The following PCDHA2 variants were observed in gnomAD, a reference collection of about 807,000 sequenced individuals.
PCDHA2 encodes protocadherin alpha-2.
PCDHA2 carries 58 observed loss-of-function variants against 66.0 expected under a neutral mutation model. The ratio of observed to expected loss-of-function variants is 0.88; its 90% confidence interval spans 0.71 to 1.09. The LOEUF is 1.09. Among genes scored for constraint, PCDHA2 ranks in the 50% least tolerant of loss-of-function variants. The pLI is 0.00. For missense variants in PCDHA2, 1,267 were observed against 1,242.3 expected, an observed-to-expected ratio of 1.02 and a Z score of -0.30; for synonymous variants, 634 against 554.0, an observed-to-expected ratio of 1.14 and a Z score of -2.03.
chr5:140,854,582 T>TA (rs757658134), intron 1 of PCDHA2: 9 of 149,824 alleles, frequency 6.0e-5, no homozygotes, highest in Non-Finnish European at 1.0e-4. Context: ...CAGATTTTAA[T>TA]AAAAAAAGTT....
At chr5:140,800,461 A>G (rs1373467938) in intron 1 of PCDHA2, among the ~76,000 whole-genome samples, 1 of 152,206 alleles carries the variant, frequency 6.6e-6, no homozygotes, top group African/African-American at 2.4e-5. Context: ...AGATATATGT[A>G]TGTTTTAATA....
chr5:140,963,312 TG>T (rs2153735087), intron 1 of PCDHA2, among the ~76,000 whole-genome samples: 1 of 152,332 alleles, frequency 6.6e-6, no homozygotes, highest in African/African-American at 2.4e-5. Flanking sequence ...AGAAGCTGTT[TG>T]TATTAGAATT....
At chr5:140,988,267 C>T (rs1204961254) in intron 3 of PCDHA2, among the ~76,000 whole-genome samples, 1 of 152,146 alleles carries the variant, frequency 6.6e-6, no homozygotes, top group Non-Finnish European at 1.5e-5. Flanking sequence ...GAGTATCCTT[C>T]GCTGTCACCT....
At position 140,841,479 on chromosome 5, in the gene PCDHA2, G is replaced by A. The variant is rs2150316299; in HGVS notation, c.2388+44127G>A. On this transcript the variant is annotated intron_variant, in intron 1 of 3. Transcript: ENST00000526136. The stretch of plus-strand genomic sequence containing the variant: ...GTGGGCCGGATCGCGCAGGACCTGG[G>A]GCTGGAGCTGGCGGAGCTGGTGCCG... The A allele has an allele frequency of 3.6e-4, 573 of 1,613,084 alleles. 4 individuals are homozygous for A. In the Admixed American group the frequency reaches 9.2e-3, roughly 26 times the overall value.
intron 1 of PCDHA2, among the ~76,000 whole-genome samples, chr5:140,899,690 C>T (rs1340913543): frequency 6.6e-6 from 1 of 152,156 alleles, no homozygotes; most frequent in Non-Finnish European, 1.5e-5. Flanking sequence ...TGATGCTGGC[C>T]TCATAAAATG....
chr5:140,968,966 T>C (rs781901506), intron 1 of PCDHA2: 1 of 1,614,216 alleles, frequency 6.2e-7, no homozygotes, highest in East Asian at 2.2e-5. Context: ...GTGCTACCGC[T>C]ACACTGCGTA....
At chr5:140,888,613 A>C (rs782529480) in intron 1 of PCDHA2, among the ~76,000 whole-genome samples, 4 of 152,184 alleles carry the variant, frequency 2.6e-5, no homozygotes, top group Non-Finnish European at 5.9e-5. Flanking sequence ...TTAGTGTAGC[A>C]CTAATTCGGC....
At chr5:140,975,520 T>G (rs2153807475) in intron 1 of PCDHA2, among the ~76,000 whole-genome samples, 1 of 152,342 alleles carries the variant, frequency 6.6e-6, no homozygotes, top group East Asian at 1.9e-4. Flanking sequence ...AAATCTGCAG[T>G]GGATATATTC....
intron 1 of PCDHA2, among the ~76,000 whole-genome samples, chr5:140,917,340 T>TG (rs2078149834): frequency 7.5e-6 from 1 of 132,986 alleles, no homozygotes; most frequent in Non-Finnish European, 1.6e-5. Context: ...AGGGGGGGGA[T>TG]GGTGTAGGCT....
At chr5:140,978,795 G>T in intron 1 of PCDHA2, 154 bp from the exon 2 acceptor site, 1 of 979,238 alleles carries the variant, frequency 1.0e-6, no homozygotes, top group Non-Finnish European at 1.2e-6. Flanking sequence ...TGCTATATAT[G>T]TAGATATCAT....
intron 1 of PCDHA2, chr5:140,809,040 C>G: frequency 1.2e-6 from 2 of 1,613,822 alleles, no homozygotes; most frequent in Non-Finnish European, 1.7e-6. Flanking sequence ...ACTGGTGGCG[C>G]GCGCATCCCG....
At chr5:140,858,550 C>G (rs1554151768) in intron 1 of PCDHA2, 1 of 1,392,416 alleles carries the variant, frequency 7.2e-7, no homozygotes, top group Non-Finnish European at 9.9e-7. Context: ...TCCATTTATG[C>G]TTGAATATTT....
chr5:140,983,806 G>T (rs981942088), intron 3 of PCDHA2, among the ~76,000 whole-genome samples: 1 of 152,110 alleles, frequency 6.6e-6, no homozygotes, highest in Non-Finnish European at 1.5e-5. Flanking sequence ...GTGTGTAAAA[G>T]GTTTTTTCCC....
rs782727100 is a variant in PCDHA2, at chr5:140,877,121, C to G, written c.2388+79769C>G. 12 of 1,613,694 alleles carry G rather than the reference C, an allele frequency of 7.4e-6. No homozygotes were observed. In the South Asian group the frequency reaches 8.8e-5, roughly 12 times the overall value. ...GTGCCGCCTCTGGGCAGCAACGTGA[C>G]GCTGCAGGTGTTCGTGCTGGACGAG... is the stretch of plus-strand genomic sequence containing the variant. On this transcript the variant is annotated intron_variant, in intron 1 of 3. Coordinates refer to ENST00000526136, the MANE Select transcript of PCDHA2 (RefSeq NM_018905.3).
chr5:140,801,725 A>C, intron 1 of PCDHA2: 1 of 1,578,156 alleles, frequency 6.3e-7, no homozygotes, highest in African/African-American at 1.3e-5. Flanking sequence ...ATTCCACTGA[A>C]TATTTTACCT....
At position 140,967,211 on chromosome 5, in the gene PCDHA2, C is replaced by T. The variant is rs549238768; in HGVS notation, c.2389-11738C>T. On this transcript the variant is annotated intron_variant, in intron 1 of 3. Transcript: ENST00000526136. ...CATCAACGACAACTCACCGCGTTTC[C>T]CGCGGCCCAACTACCAGCTTCAGGT... 1.1e-5 allele frequency: 18 copies of T among 1,613,676 alleles called. No individual in the cohort carries two copies. The East Asian group carries it at 3.3e-4, about 30-fold the overall frequency.
chr5:140,826,442 G>A (rs1447945219), intron 1 of PCDHA2, among the ~76,000 whole-genome samples: 4 of 152,148 alleles, frequency 2.6e-5, no homozygotes, highest in Non-Finnish European at 5.9e-5. Context: ...TGGAAGAAAA[G>A]GCTTTGTGTC....
chr5:140,920,632 T>C (rs1054888668), intron 1 of PCDHA2, among the ~76,000 whole-genome samples: 2 of 152,018 alleles, frequency 1.3e-5, no homozygotes, highest in Non-Finnish European at 2.9e-5. Context: ...GATCACAAGG[T>C]CAAGAGATTG....
intron 1 of PCDHA2, among the ~76,000 whole-genome samples, chr5:140,904,937 A>C (rs2071485651): frequency 6.6e-6 from 1 of 152,190 alleles, no homozygotes; most frequent in Non-Finnish European, 1.5e-5. Flanking sequence ...GGTTCTGGAT[A>C]TTAGTCCTTT....
Sources: allele counts gnomAD v4.1 joint callset (sites outside exome capture counted in the v4.1 genomes callset), GRCh38; gene constraint gnomAD v4.1.1; transcripts MANE v1.5; gene names NCBI Gene and HGNC (gene_info 2026-07-23, HGNC 2026-07-21).